The following SMARCD3 variants were observed in gnomAD, a reference collection of about 807,000 sequenced individuals.
SMARCD3 encodes SWI/SNF-related matrix-associated actin-dependent regulator of chromatin subfamily D member 3.
SMARCD3 carries 14 observed loss-of-function variants against 58.0 expected under a neutral mutation model. The ratio of observed to expected loss-of-function variants is 0.24; its 90% CI spans 0.16 to 0.38. SMARCD3 has a LOEUF of 0.38. Among genes scored for constraint, SMARCD3 ranks in the 10% least tolerant of loss-of-function variants. The probability of loss-of-function intolerance (pLI) is 1.00; values close to 1 mark genes in which losing one functional copy is unlikely to be tolerated. For synonymous variants in SMARCD3, 253 were observed against 253.8 expected (o/e 1.00, Z 0.03); for missense variants, 408 against 636.9 (o/e 0.64, Z 3.87).
chr7:151,240,815 C>A lies in SMARCD3; in HGVS notation c.940-293G>T, dbSNP rs1292715594. The A allele has an allele frequency of 9.7e-6, 4 of 410,602 alleles. No homozygotes were observed. The East Asian group carries it at 2.0e-4, about 21-fold the overall frequency. 25.4% of individuals were successfully genotyped at this position (410,602 alleles called of 1,614,324 possible). The stretch of plus-strand genomic sequence containing the variant: ...TACTATGCAACCTGGAGCAAGTTAA[C>A]ACCTCAGGGCTCAGTGTCTTCATCT... On this transcript the variant is annotated intron_variant, in intron 8 of 12. Transcript: ENST00000262188.
intron 2 of SMARCD3, among the ~76,000 whole-genome samples, chr7:151,257,098 T>C (rs2530459): frequency 0.59 from 89,490 of 152,028 alleles, 26,606 homozygotes; most frequent in East Asian, 0.85. Context: ...ACTATGTTGC[T>C]TGGGCTGGTC....
At chr7:151,265,723 TGC>T (rs1804059073) in intron 2 of SMARCD3, among the ~76,000 whole-genome samples, 3 of 152,178 alleles carry the variant, frequency 2.0e-5, no homozygotes, top group Admixed American at 2.0e-4. Context: ...AGGATAAAAG[TGC>T]CAAGTCACCG....
At chr7:151,265,980 C>G (rs1316225651) in intron 2 of SMARCD3, among the ~76,000 whole-genome samples, 3 of 151,992 alleles carry the variant, frequency 2.0e-5, no homozygotes, top group Admixed American at 1.3e-4. Flanking sequence ...TCTTTTCTTT[C>G]TTTCTTTGAT....
chr7:151,248,947 T>C (rs1235640725), upstream of SMARCD3: 1 of 152,720 alleles, frequency 6.5e-6, no homozygotes, highest in Non-Finnish European at 1.5e-5. This position sits in a 1 kb window ranked among gnomAD's most constrained non-coding sequence, Gnocchi z 6.1. Context: ...GCAGCAGTGC[T>C]GCAGCCCGAA....
chr7:151,274,272 G>A (rs1366983686), intron 2 of SMARCD3, among the ~76,000 whole-genome samples: 1 of 152,254 alleles, frequency 6.6e-6, no homozygotes, highest in Non-Finnish European at 1.5e-5. Context: ...GATGGGTGGG[G>A]CTGGGCAGGC....
chr7:151,256,660 A>C (rs1252587108), intron 2 of SMARCD3, among the ~76,000 whole-genome samples: 3 of 152,050 alleles, frequency 2.0e-5, no homozygotes, highest in African/African-American at 7.2e-5. Flanking sequence ...ACAGTCACAA[A>C]TATGCCCGCT....
chr7:151,267,161 A>T (rs954655174), intron 2 of SMARCD3, among the ~76,000 whole-genome samples: 1 of 152,240 alleles, frequency 6.6e-6, no homozygotes, highest in African/African-American at 2.4e-5. Context: ...AGATATAGGG[A>T]AACACTTTGT....
intron 1 of SMARCD3, among the ~76,000 whole-genome samples, chr7:151,247,242 C>G (rs1238048367): frequency 2.0e-5 from 3 of 152,132 alleles, no homozygotes; most frequent in African/African-American, 7.2e-5. Context: ...ATTAAAAAAA[C>G]AGTCCACGTG....
chr7:151,245,581 G>T lies in SMARCD3; in HGVS notation c.169C>A (p.Arg57=). 1 of 1,158,508 alleles carries T rather than the reference G, an allele frequency of 8.6e-7. No homozygotes were observed. The highest frequency in any genetic ancestry group is 1.1e-6 in the Non-Finnish European group (1 of 921,968). The allele number at this position is 1,158,508 out of a possible 1,614,324, so 71.8% of individuals were successfully genotyped here. A position where few individuals can be genotyped will look rare whatever the true frequency, so the allele number is the denominator to read the frequency against. ...GSPYMGSPAV[R]PGLAPAGMEP... is the part of the protein sequence containing the mutation. ...ATGCCCGCGGGGGCCAGGCCGGGTC[G>T]CACGGCGGGGCTGCCCATGTACGGG... is the stretch of plus-strand genomic sequence containing the variant. The change falls in exon 2 of 13, where the codon CGA becomes AGA. Residue 57 remains arginine, a synonymous_variant. Transcript: ENST00000262188. The surrounding 1 kb of genome is among the most constrained non-coding windows in gnomAD (Gnocchi z 6.2).
In SMARCD3 at chr7:151,243,520, A is replaced by T; in HGVS notation, c.333+139T>A. 1.5e-6 allele frequency: 1 copy of T among 662,738 alleles called. No homozygotes were observed. The highest frequency in any genetic ancestry group is 2.2e-5 in the Admixed American group (1 of 45,866). The allele number at this position is 662,738 out of a possible 1,614,324, so 41.1% of individuals were successfully genotyped here. On this transcript the variant is annotated intron_variant, in intron 3 of 12. Coordinates refer to ENST00000262188, the MANE Select transcript of SMARCD3 (RefSeq NM_001003801.2). This position sits in a 1 kb window ranked among gnomAD's most constrained non-coding sequence, Gnocchi z 4.4. The stretch of plus-strand genomic sequence containing the variant: ...CTCACCCCCTCCCTCTGGCCTGCGG[A>T]GCCTCACTTATTAATGAGCTTTTTT...
chr7:151,243,628 T>C lies in SMARCD3; in HGVS notation c.333+31A>G. On this transcript the variant is annotated intron_variant, in intron 3 of 12. Coordinates refer to ENST00000262188, the MANE Select transcript of SMARCD3 (RefSeq NM_001003801.2). This position sits in a 1 kb window ranked among gnomAD's most constrained non-coding sequence, Gnocchi z 4.4. ...GGGCGGAGCAGCAAAGGGTGGGGGGTGGGCTGGGGGCTGCTGTGAAAGGCA... is the reference window on the plus strand; with the variant it reads ...GGGCGGAGCAGCAAAGGGTGGGGGGCGGGCTGGGGGCTGCTGTGAAAGGCA... 2 of 1,096,856 alleles carry C rather than the reference T, an allele frequency of 1.8e-6. No homozygotes were observed. The highest frequency in any genetic ancestry group is 1.2e-5 in the South Asian group (1 of 80,426). The allele number at this position is 1,096,856 out of a possible 1,614,324, so 67.9% of individuals were successfully genotyped here.
chr7:151,270,598 G>A (rs1020102862), intron 2 of SMARCD3, among the ~76,000 whole-genome samples: 1 of 152,182 alleles, frequency 6.6e-6, no homozygotes, highest in Non-Finnish European at 1.5e-5. Context: ...GGAAGAGGTG[G>A]AACTGACGTG....
At chr7:151,264,801 C>T (rs529539827) in intron 2 of SMARCD3, among the ~76,000 whole-genome samples, 13 of 152,238 alleles carry the variant, frequency 8.5e-5, no homozygotes, top group East Asian at 3.9e-4. Flanking sequence ...GGGCCAGGCC[C>T]GGGACTAGCT....
In SMARCD3 at chr7:151,238,894, G is replaced by A; in HGVS notation, c.*209C>T. ...GAAGGGAATGGGGAGTCGTCCCGAG[G>A]GACCCACTGCCTCCCCACCTTCTTC... is the stretch of plus-strand genomic sequence containing the variant. On this transcript the variant is annotated 3_prime_UTR_variant, in exon 13 of 13. Coordinates refer to ENST00000262188, the MANE Select transcript of SMARCD3 (RefSeq NM_001003801.2). 1.6e-6 allele frequency: 2 copies of A among 1,220,314 alleles called. No individual in the cohort carries two copies. The highest frequency in any genetic ancestry group is 1.4e-5 in the South Asian group (1 of 71,430). 75.6% of individuals were successfully genotyped at this position (1,220,314 alleles called of 1,614,324 possible).
chr7:151,263,734 T>C (rs1803990875), intron 2 of SMARCD3, among the ~76,000 whole-genome samples: 2 of 152,226 alleles, frequency 1.3e-5, no homozygotes. Flanking sequence ...GCCGGCACCA[T>C]CTTTCTTCTG....
At position 151,242,115 on chromosome 7, in the gene SMARCD3, G is replaced by A. The variant is rs779411510; in HGVS notation, c.675+22C>T. ...CCTGTGGGAGGGTGGCAATTCAAGG[G>A]CGGAGGGGCTCTTGGTCTTACCTCA... On this transcript the variant is annotated intron_variant, in intron 6 of 12. Transcript: ENST00000262188. This position sits in a 1 kb window ranked among gnomAD's most constrained non-coding sequence, Gnocchi z 4.7. The A allele has an allele frequency of 6.3e-7, 1 of 1,591,374 alleles. No homozygotes were observed. The highest frequency in any genetic ancestry group is 8.6e-7 in the Non-Finnish European group (1 of 1,159,382).
Position 151,239,208 on chromosome 7 carries a change from A to G in SMARCD3, c.1399-52T>C. 1 of 1,590,062 alleles carries G rather than the reference A, an allele frequency of 6.3e-7. No individual in the cohort carries two copies. Among genetic ancestry groups the G allele is most frequent in the Non-Finnish European group, 8.6e-7 (1 of 1,158,282 alleles). ...GGTGTCAGTGTTCTGGTGAGTGATC[A>G]GGACAATCCCACCTACTGACACCGC... On this transcript the variant is annotated intron_variant, in intron 12 of 12. Coordinates refer to ENST00000262188, the MANE Select transcript of SMARCD3 (RefSeq NM_001003801.2). This position sits in a 1 kb window ranked among gnomAD's most constrained non-coding sequence, Gnocchi z 7.0.
intron 1 of SMARCD3, among the ~76,000 whole-genome samples, chr7:151,275,930 G>C (rs1043236977): frequency 1.3e-5 from 2 of 152,130 alleles, no homozygotes; most frequent in African/African-American, 4.8e-5. Flanking sequence ...TGGGGCTTGG[G>C]AGTGGCTCAG....
chr7:151,248,608 T>C lies in SMARCD3; in HGVS notation c.-46A>G. On this transcript the variant is annotated 5_prime_UTR_variant, in exon 1 of 13. Transcript: ENST00000262188. This position sits in a 1 kb window ranked among gnomAD's most constrained non-coding sequence, Gnocchi z 6.1. ...CTCTCACTCTCTCTCTCTCTTCCTCTTTCTTTCCCTTTTCTGCCTTTTTTT... is the reference window on the plus strand; with the variant it reads ...CTCTCACTCTCTCTCTCTCTTCCTCCTTCTTTCCCTTTTCTGCCTTTTTTT... 2 of 1,607,866 alleles carry C rather than the reference T, an allele frequency of 1.2e-6. No individual in the cohort carries two copies. The highest frequency in any genetic ancestry group is 1.7e-6 in the Non-Finnish European group (2 of 1,175,710).
Sources: allele counts gnomAD v4.1 joint callset (sites outside exome capture counted in the v4.1 genomes callset), GRCh38; gene constraint gnomAD v4.1.1; non-coding constraint Gnocchi (gnomAD v3.1); transcripts MANE v1.5; gene names NCBI Gene and HGNC (gene_info 2026-07-23, HGNC 2026-07-21).